The following ITGB3BP variants were observed in gnomAD, a reference collection of about 807,000 sequenced individuals.
The protein encoded by ITGB3BP is centromere protein R.
A neutral mutation model predicts 29.1 loss-of-function variants in ITGB3BP; 27 were observed. The observed-to-expected ratio is 0.93, with a 90% CI of 0.68 to 1.28. The LOEUF (loss-of-function observed/expected upper bound fraction) is 1.28, where lower values mean the gene tolerates loss of function less well. Ranked by LOEUF, ITGB3BP falls within the 50% of genes most tolerant of loss-of-function variation. ITGB3BP has a pLI of 0.00. For missense variants in ITGB3BP, 192 were observed against 200.2 expected, an observed-to-expected ratio of 0.96 and a Z score of 0.25; for synonymous variants, 61 against 61.4, an observed-to-expected ratio of 0.99 and a Z score of 0.03.
intron 7 of ITGB3BP, among the ~76,000 whole-genome samples, chr1:63,452,283 C>A (rs947768150): frequency 3.9e-5 from 6 of 152,104 alleles, no homozygotes; most frequent in Non-Finnish European, 2.9e-5. Flanking sequence ...AAGCTGTTTG[C>A]AAAGGCCAAC....
intron 4 of ITGB3BP, among the ~76,000 whole-genome samples, chr1:63,474,898 A>G (rs867143816): frequency 2.5e-5 from 2 of 79,106 alleles, no homozygotes; most frequent in Non-Finnish European, 5.5e-5. Context: ...ATAAAAAAAA[A>G]AAATAAATAA....
At chr1:63,487,858 T>C (rs1353192122) in intron 3 of ITGB3BP, among the ~76,000 whole-genome samples, 5 of 152,072 alleles carry the variant, frequency 3.3e-5, no homozygotes, top group Non-Finnish European at 5.9e-5. Flanking sequence ...CACAAAAATG[T>C]GAGTAACGTG....
chr1:63,486,330 C>T (rs1645529610), intron 3 of ITGB3BP, among the ~76,000 whole-genome samples: 1 of 151,984 alleles, frequency 6.6e-6, no homozygotes, highest in Admixed American at 6.6e-5. Context: ...CCTTGAGGAA[C>T]TCGAGGGTTA....
In ITGB3BP at chr1:63,447,418, CAT is replaced by C. The variant is rs1247277030; in HGVS notation, c.485-564_485-563del. 1.1e-5 allele frequency: 4 copies of C among 376,714 alleles called. No homozygotes were observed. The East Asian group carries it at 2.9e-4, about 27-fold the overall frequency. 23.3% of individuals were successfully genotyped at this position (376,714 alleles called of 1,614,324 possible). Reference sequence around the variant, plus strand: ...TGTGCTAGGCTCTGGAACTATCATACATAGATAAGACTTTTTGTTTGTCTGCC... The same window carrying C: ...TGTGCTAGGCTCTGGAACTATCATACAGATAAGACTTTTTGTTTGTCTGCC... On this transcript the variant is annotated intron_variant, in intron 7 of 8. Coordinates refer to ENST00000271002, the MANE Select transcript of ITGB3BP (RefSeq NM_014288.5).
At chr1:63,501,265 C>A (rs1388633057) in intron 2 of ITGB3BP, among the ~76,000 whole-genome samples, 3 of 152,038 alleles carry the variant, frequency 2.0e-5, no homozygotes, top group African/African-American at 7.2e-5. Flanking sequence ...ACCTGTGTTT[C>A]CATGGGTTAC....
intron 3 of ITGB3BP, among the ~76,000 whole-genome samples, chr1:63,488,062 A>C (rs1645565765): frequency 1.3e-5 from 2 of 152,136 alleles, no homozygotes; most frequent in Admixed American, 1.3e-4. Context: ...CCAATGTAGA[A>C]TCTAAGTAGA....
At chr1:63,515,359 C>T (rs944675604) in intron 1 of ITGB3BP, among the ~76,000 whole-genome samples, 13 of 152,100 alleles carry the variant, frequency 8.5e-5, no homozygotes, top group African/African-American at 2.4e-4. Context: ...TATGCCCAAA[C>T]CACATTGAGT....
At chr1:63,527,609 T>C (rs185968752), upstream of ITGB3BP, among the ~76,000 whole-genome samples, 1 of 152,206 alleles carries the variant, frequency 6.6e-6, no homozygotes, top group Non-Finnish European at 1.5e-5. Flanking sequence ...TATCTACAGC[T>C]ACGTGATATT....
At chr1:63,521,123 A>G (rs1646434721) in intron 1 of ITGB3BP, among the ~76,000 whole-genome samples, 1 of 152,128 alleles carries the variant, frequency 6.6e-6, no homozygotes, top group South Asian at 2.1e-4. Flanking sequence ...CGTAAGTTAT[A>G]TTACACATTT....
chr1:63,520,925 C>T (rs995087301), intron 1 of ITGB3BP, among the ~76,000 whole-genome samples: 3 of 152,152 alleles, frequency 2.0e-5, no homozygotes, highest in African/African-American at 7.2e-5. Flanking sequence ...TAGTCTCATA[C>T]AAATTGGTTA....
intron 4 of ITGB3BP, among the ~76,000 whole-genome samples, chr1:63,460,484 C>A (rs956628491): frequency 4.6e-5 from 7 of 152,186 alleles, no homozygotes; most frequent in Admixed American, 1.3e-4. Flanking sequence ...GAACTTCATT[C>A]CTTTTCATAA....
intron 3 of ITGB3BP, among the ~76,000 whole-genome samples, chr1:63,482,347 C>T (rs558494025): frequency 1.8e-4 from 27 of 149,134 alleles, no homozygotes; most frequent in South Asian, 1.3e-3. Flanking sequence ...CTTCTAGGTA[C>T]CCATACTTTA....
intron 2 of ITGB3BP, among the ~76,000 whole-genome samples, chr1:63,499,156 GTT>G (rs57626823): frequency 0.4 from 46,995 of 118,122 alleles, 9,099 homozygotes; most frequent in Non-Finnish European, 0.49. Context: ...TTCCACTAGC[GTT>G]TTTTTTTTTT....
At chr1:63,460,390 T>C (rs1430187192) in intron 4 of ITGB3BP, among the ~76,000 whole-genome samples, 2 of 152,242 alleles carry the variant, frequency 1.3e-5, no homozygotes, top group African/African-American at 4.8e-5. Flanking sequence ...ACAACTGGAA[T>C]CTTACAGTAT....
intron 1 of ITGB3BP, among the ~76,000 whole-genome samples, chr1:63,520,569 C>G (rs890449583): frequency 6.6e-5 from 10 of 152,110 alleles, no homozygotes; most frequent in African/African-American, 2.2e-4. Flanking sequence ...GATAGGTAAT[C>G]TCTAAATCCT....
At chr1:63,444,346 C>G (rs1644762891) in intron 8 of ITGB3BP, among the ~76,000 whole-genome samples, 1 of 151,368 alleles carries the variant, frequency 6.6e-6, no homozygotes, top group Non-Finnish European at 1.5e-5. Context: ...CTAATATGTT[C>G]TCTGTTGGAT....
chr1:63,492,259 CTTTT>C (rs902782791), intron 2 of ITGB3BP, among the ~76,000 whole-genome samples: 1 of 151,334 alleles, frequency 6.6e-6, no homozygotes, highest in East Asian at 1.9e-4. Flanking sequence ...AGGCTTCTCT[CTTTT>C]TTTATTTTTT....
upstream of ITGB3BP, chr1:63,525,438 T>C (rs894602566): frequency 1.6e-6 from 1 of 629,834 alleles, no homozygotes; most frequent in Non-Finnish European, 2.5e-6. Context: ...AATATCTTGA[T>C]CTTTTCATAT....
chr1:63,451,155 AT>A (rs1014295563), intron 7 of ITGB3BP, among the ~76,000 whole-genome samples: 1 of 151,844 alleles, frequency 6.6e-6, no homozygotes, highest in African/African-American at 2.4e-5. Context: ...GGTATTGTCT[AT>A]TTTAACTATT....
Sources: allele counts gnomAD v4.1 joint callset (sites outside exome capture counted in the v4.1 genomes callset), GRCh38; gene constraint gnomAD v4.1.1; transcripts MANE v1.5; gene names NCBI Gene and HGNC (gene_info 2026-07-23, HGNC 2026-07-21).